Variants in MYO15B observed in about 807,000 individuals in gnomAD.
The protein encoded by MYO15B is myosin XVB.
In MYO15B, 207 loss-of-function variants were observed where a neutral mutation model predicts 119.3. The observed-to-expected ratio is 1.73, with a 90% CI of 1.55 to 1.95. The LOEUF is 1.95. MYO15B is among the 30% of genes most tolerant of loss of function. The pLI is 0.00. For synonymous variants in MYO15B, 966 were observed against 498.9 expected, an observed-to-expected ratio of 1.94 and a Z score of -12.48; for missense variants, 2,264 against 1,203.1, an observed-to-expected ratio of 1.88 and a Z score of -13.04.
At chr17:75,624,817 GGTA>G in exon 59 of MYO15B, 2 of 703,008 alleles carry the variant, frequency 2.8e-6, no homozygotes. Flanking sequence ...TCAACAGCGT[GGTA>G]GTGGACCAGG....
rs1350207972 is a variant in MYO15B at position 75,589,426 on chromosome 17, TACGAGGGGCGGGGCTGCGGGAAAGCGG to T, written c.1383_1409del (p.Cys462_Gly470del). 18 of 284,154 alleles carry T rather than the reference TACGAGGGGCGGGGCTGCGGGAAAGCGG, an allele frequency of 6.3e-5. No individual in the cohort carries two copies. The highest frequency in any genetic ancestry group is 4.6e-5 in the East Asian group (1 of 21,728). The allele number at this position is 284,154 out of a possible 1,614,324, so 17.6% of individuals were successfully genotyped here. A position where few individuals can be genotyped will look rare whatever the true frequency, so the allele number is the denominator to read the frequency against. On this transcript the variant is annotated inframe_deletion, in exon 1 of 64. Transcript: ENST00000645453. This position sits in a 1 kb window ranked among gnomAD's most constrained non-coding sequence, Gnocchi z 4.2. ...CGAAGGGCGGGGCCACGAGCGAGGGTACGAGGGGCGGGGCTGCGGGAAAGCGGACGAGGGGCGGGGTCACGAGAGAGG... is the reference window on the plus strand; with the variant it reads ...CGAAGGGCGGGGCCACGAGCGAGGGTACGAGGGGCGGGGTCACGAGAGAGG...
intron 47 of MYO15B, 45 bp downstream of exon 47, chr17:75,620,065 C>G: frequency 2.9e-6 from 2 of 681,038 alleles, no homozygotes; most frequent in Non-Finnish European, 5.4e-6. Flanking sequence ...ACAGCCCTCA[C>G]CGATGCTGCA....
intron 16 of MYO15B, 74 bp downstream of exon 16, chr17:75,602,668 G>A (rs940017851): frequency 1.1e-5 from 7 of 611,598 alleles, no homozygotes; most frequent in South Asian, 3.9e-5. Flanking sequence ...CCCCCTGGGC[G>A]CTCTTGCCCA....
chr17:75,605,994 A>G, exon 21 of MYO15B: 1 of 701,130 alleles, frequency 1.4e-6, no homozygotes, highest in Non-Finnish European at 2.6e-6. Flanking sequence ...CCCCGGATGC[A>G]GGCTCGCATG....
Position 75,600,319 on chromosome 17 carries a change from G to A in MYO15B, c.3526-1119G>A, listed in dbSNP as rs574602066. ...TGGGATTACAGGCGTGAGCCACCGCGTCCGGCCTAAGAGTGATCTTTGAAA... is the reference window on the plus strand; with the variant it reads ...TGGGATTACAGGCGTGAGCCACCGCATCCGGCCTAAGAGTGATCTTTGAAA... On this transcript the variant is annotated intron_variant, in intron 14 of 63. Transcript: ENST00000645453. Among the ~76,000 whole-genome samples, 13 of 151,830 alleles carry A rather than the reference G, an allele frequency of 8.6e-5. No individual in the cohort carries two copies. In the South Asian group the frequency reaches 1.7e-3, roughly 19 times the overall value.
chr17:75,625,603 C>T lies in MYO15B; in HGVS notation c.8881C>T (p.Gln2961Ter), dbSNP rs1458062914. The T allele has an allele frequency of 1.4e-6, 1 of 703,036 alleles. No individual in the cohort carries two copies. The highest frequency in any genetic ancestry group is 2.7e-5 in the East Asian group (1 of 37,296). 43.5% of individuals were successfully genotyped at this position (703,036 alleles called of 1,614,324 possible). The change falls in exon 61 of 64, where the codon CAG becomes TAG. Residue 2961 changes from glutamine to a stop codon, truncating the protein, a stop_gained. Coordinates refer to ENST00000645453, the Ensembl canonical transcript of MYO15B. LOFTEE classifies it high-confidence loss of function. ...GGCCTCCATCAAGAACCTGATGGGT[C>T]AGGAGCTGAGACGGCTGGAAGGACA...
At chr17:75,624,301 C>T (rs1397384455) in intron 56 of MYO15B, 32 bp downstream of exon 56, 2 of 702,798 alleles carry the variant, frequency 2.8e-6, no homozygotes, top group Non-Finnish European at 2.6e-6. Flanking sequence ...CATTGTGGGA[C>T]ACCCTGGGGT....
intron 29 of MYO15B, 185 bp downstream of exon 29, chr17:75,613,962 G>A: frequency 3.3e-6 from 2 of 597,948 alleles, no homozygotes; most frequent in Non-Finnish European, 6.0e-6. Context: ...AGCTCCCACG[G>A]CAGATTCTAA....
At chr17:75,626,616 C>T in exon 64 of MYO15B, 1 of 642,578 alleles carries the variant, frequency 1.6e-6, no homozygotes, top group Admixed American at 2.3e-5. Context: ...GGCCCACATG[C>T]AGGCCATGAG....
chr17:75,595,291 A>G (rs1393318717), intron 12 of MYO15B, among the ~76,000 whole-genome samples: 1 of 152,182 alleles, frequency 6.6e-6, no homozygotes, highest in Non-Finnish European at 1.5e-5. Flanking sequence ...CGTTCATCCA[A>G]GCATGGTCTC....
chr17:75,608,458 A>T (rs928420080), intron 21 of MYO15B, among the ~76,000 whole-genome samples: 64 of 151,878 alleles, frequency 4.2e-4, no homozygotes, highest in African/African-American at 9.2e-4. Flanking sequence ...TATTAAAAAA[A>T]TTTTTTTGAG....
At chr17:75,590,443 C>G (rs4789218) in intron 1 of MYO15B, 183 bp from the exon 2 acceptor site, 34,599 of 396,814 alleles carry the variant, frequency 0.087, 1,689 homozygotes, top group Middle Eastern at 0.15. Flanking sequence ...TACAAAGCTT[C>G]CTTCTGGGTC....
At chr17:75,593,960 T>G (rs1428177580) in intron 9 of MYO15B, among the ~76,000 whole-genome samples, 4 of 149,532 alleles carry the variant, frequency 2.7e-5, no homozygotes, top group African/African-American at 9.9e-5. Context: ...CATGGTGGCA[T>G]GTGCCTGTAA....
intron 61 of MYO15B, 87 bp from the exon 62 acceptor site, chr17:75,625,757 C>A (rs1339345373): frequency 1.4e-6 from 1 of 701,014 alleles, no homozygotes; most frequent in Non-Finnish European, 2.6e-6. Flanking sequence ...CCTGCCCTGT[C>A]CCTCTCAGCT....
rs930118526 is a variant in MYO15B, at chr17:75,597,041, C to T, written c.3525+142C>T. The T allele has an allele frequency of 5.2e-6, 3 of 580,400 alleles. No homozygotes were observed. The African/African-American group carries it at 5.6e-5, about 11-fold the overall frequency. 36.0% of individuals were successfully genotyped at this position (580,400 alleles called of 1,614,324 possible). On this transcript the variant is annotated intron_variant, in intron 14 of 63. Coordinates refer to ENST00000645453, the Ensembl canonical transcript of MYO15B. ...CCTGATCACAGTTCCTCAGCACAGC[C>T]TGGGACAGCAGCAGCGAAGGGGAAG...
At chr17:75,603,375 G>A (rs770932907) in intron 19 of MYO15B, 63 bp downstream of exon 19, 14 of 688,544 alleles carry the variant, frequency 2.0e-5, no homozygotes, top group East Asian at 5.4e-5. Flanking sequence ...TGGCAGCCCC[G>A]GGGGTCCTTC....
At position 75,625,980 on chromosome 17, in the gene MYO15B, G is replaced by A. The variant is rs1287154978; in HGVS notation, c.9072+3G>A. 1 of 701,556 alleles carries A rather than the reference G, an allele frequency of 1.4e-6. No individual in the cohort carries two copies. Among genetic ancestry groups the A allele is most frequent in the Admixed American group, 2.0e-5 (1 of 49,634 alleles). 43.5% of individuals were successfully genotyped at this position (701,556 alleles called of 1,614,324 possible). A position where few individuals can be genotyped will look rare whatever the true frequency, so the allele number is the denominator to read the frequency against. On this transcript the variant is annotated splice_donor_region_variant and intron_variant, in intron 62 of 63. Coordinates refer to ENST00000645453, the Ensembl canonical transcript of MYO15B. ...TCCTCATGGACCCCAGCTCCCAGGT[G>A]GGCACAGCTCTTGCCTCAGCACTGG...
chr17:75,612,726 C>T, intron 25 of MYO15B, 72 bp from the exon 26 acceptor site: 1 of 695,128 alleles, frequency 1.4e-6, no homozygotes, highest in Non-Finnish European at 2.6e-6. Context: ...CCCGAGGTGC[C>T]TGCTCCGGTG....
rs1014952246 is a variant in MYO15B, at chr17:75,616,647, C to A, written c.6368C>A (p.Pro2123Gln). Residue 2123 changes from proline to glutamine, a missense_variant, in exon 39 of 64, where the codon CCA (proline) becomes CAA (glutamine). By Grantham distance (76) the Pro-to-Gln change is moderately conservative. Transcript: ENST00000645453. ...GCGGCCAAGGGCCATGGCCAAGGGC[C>A]AGCCCAAGGCAGGGGGACTGTGGTG... 4 of 702,864 alleles carry A rather than the reference C, an allele frequency of 5.7e-6. No homozygotes were observed. In the African/African-American group the frequency reaches 7.0e-5, roughly 12 times the overall value. 43.5% of individuals were successfully genotyped at this position (702,864 alleles called of 1,614,324 possible).
Sources: gnomAD v4.1 joint callset for allele counts (sites outside exome capture counted in the v4.1 genomes callset) on GRCh38, gnomAD v4.1.1 for gene constraint, Gnocchi (gnomAD v3.1) non-coding constraint, MANE v1.5 for transcripts, NCBI Gene and HGNC (gene_info 2026-07-23, HGNC 2026-07-21) for gene names.